Variants in KRT8 observed in about 807,000 individuals in gnomAD.
KRT8 encodes keratin, type II cytoskeletal 8.
In KRT8, 24 loss-of-function variants were observed where a neutral mutation model predicts 43.0. That is an observed-to-expected ratio of 0.56 (90% CI 0.40 to 0.78). The LOEUF (loss-of-function observed/expected upper bound fraction) is 0.78. Ranked by LOEUF, KRT8 falls within the 30% of genes least tolerant of loss-of-function variation. KRT8 has a pLI of 0.00. For synonymous variants in KRT8, 214 were observed against 261.2 expected (o/e 0.82, Z 1.74); for missense variants, 492 against 638.4 (o/e 0.77, Z 2.47).
At position 52,897,326 on chromosome 12, in the gene KRT8, C is replaced by T. The variant is rs567445786; in HGVS notation, c.*102G>A. ...TGGGCTGAGGGCTAGGGCTGAGCCT[C>T]AGGTGGGTCTCCTGTTCCCAGTGCT... On this transcript the variant is annotated 3_prime_UTR_variant, in exon 8 of 8. Transcript: ENST00000692008. The T allele has an allele frequency of 1.7e-4, 188 of 1,127,370 alleles. 7 individuals are homozygous for T. In the South Asian group the frequency reaches 2.3e-3, roughly 14 times the overall value. 69.8% of individuals were successfully genotyped at this position (1,127,370 alleles called of 1,614,324 possible).
In KRT8 at chr12:52,932,428, G is replaced by A. The variant is rs552453017; in HGVS notation, c.-47+17028C>T. 5.9e-5 allele frequency among the ~76,000 whole-genome samples: 9 copies of A among 152,208 alleles called. No individual in the cohort carries two copies. The South Asian group carries it at 1.9e-3, about 32-fold the overall frequency. ...GAAAGAATGATTACTTTGTCCACAA[G>A]ATCAGGAACAAAGCAAAAACATTTG... On this transcript the variant is annotated intron_variant, in intron 2 of 6. Transcript: ENST00000546826.
exon 8 of KRT8, chr12:52,897,443 G>A (rs759138466): frequency 1.1e-5 from 17 of 1,599,332 alleles, no homozygotes; most frequent in South Asian, 3.3e-5. Flanking sequence ...TGGGCAGGAC[G>A]TCAGAGGACT....
intron 1 of KRT8, chr12:52,949,692 C>A: frequency 9.4e-7 from 1 of 1,064,742 alleles, no homozygotes; most frequent in Non-Finnish European, 1.4e-6. Flanking sequence ...ACCCCTACTC[C>A]ACCGGGAGGG....
In KRT8 at chr12:52,949,736, TAGCCACAGGGTC is replaced by T. The variant is rs1414110980; in HGVS notation, c.-210_-199del. ...ATACCTGGATTTCCATCCGCGCACC[TAGCCACAGGGTC>T]CCTAAGAGCAGCAGCTAGGCATGGG... On this transcript the variant is annotated 5_prime_UTR_variant, in exon 1 of 7. Coordinates refer to the KRT8 transcript ENST00000546826. 6.6e-6 allele frequency: 5 copies of T among 763,288 alleles called. No individual in the cohort carries two copies. The East Asian group carries it at 1.3e-4, about 20-fold the overall frequency. The allele number at this position is 763,288 out of a possible 1,614,324, so 47.3% of individuals were successfully genotyped here.
chr12:52,924,082 G>T (rs1347819642), intron 2 of KRT8, among the ~76,000 whole-genome samples: 1 of 151,890 alleles, frequency 6.6e-6, no homozygotes, highest in Admixed American at 6.6e-5. Flanking sequence ...CCTGACCTCA[G>T]GTGATCCGCC....
At chr12:52,908,491 C>T (rs1941568824), upstream of KRT8, among the ~76,000 whole-genome samples, 2 of 152,172 alleles carry the variant, frequency 1.3e-5, no homozygotes, top group Non-Finnish European at 2.9e-5. Flanking sequence ...GAATGAACTA[C>T]TGATGCATGT....
intron 2 of KRT8, among the ~76,000 whole-genome samples, chr12:52,931,692 C>T (rs893210832): frequency 3.4e-5 from 5 of 148,720 alleles, no homozygotes; most frequent in Admixed American, 6.7e-5. Flanking sequence ...GACGGAGTTT[C>T]GCTCTTGTTG....
At chr12:52,897,258 G>A (rs1465610972) in exon 8 of KRT8, 1 of 697,144 alleles carries the variant, frequency 1.4e-6, no homozygotes, top group Non-Finnish European at 2.6e-6. Context: ...TTTGTAGCTG[G>A]AGGCATGGGC....
rs2277330 is a variant in KRT8, at chr12:52,898,680, G to A, written c.1201C>T (p.Arg401Trp). Residue 401 changes from arginine (R) to tryptophan (W), a missense_variant and splice_region_variant, in exon 6 of 8, where the codon CGG (arginine) becomes TGG (tryptophan). By Grantham distance (101) the Arg-to-Trp change is moderately radical. Transcript: ENST00000692008. ...CCGGTCAGAGGTACCCACACCCACC[G>A]GCTCTCCTCGCCCTCCAGCAGCTTC... is the stretch of plus-strand genomic sequence containing the variant. 212 of 1,614,192 alleles carry A rather than the reference G, an allele frequency of 1.3e-4. 1 individual carries two copies. In the East Asian group the frequency reaches 4.3e-3, roughly 33 times the overall value.
chr12:52,921,180 C>T (rs116351062), intron 2 of KRT8, among the ~76,000 whole-genome samples: 75 of 152,350 alleles, frequency 4.9e-4, no homozygotes, highest in African/African-American at 1.7e-3. Flanking sequence ...TGTGTTTATG[C>T]ATTCCCTACA....
chr12:52,941,614 G>A (rs562871680), intron 2 of KRT8, among the ~76,000 whole-genome samples: 9 of 148,448 alleles, frequency 6.1e-5, no homozygotes, highest in East Asian at 2.0e-4. Flanking sequence ...TCAGCCTCCC[G>A]AGTAGCTGGA....
chr12:52,905,016 C>G, exon 1 of KRT8: 1 of 1,587,114 alleles, frequency 6.3e-7, no homozygotes, highest in South Asian at 1.1e-5. Context: ...CGGGCCGAAC[C>G]AGGCGGAGAT....
chr12:52,916,260 G>A (rs1025294111), intron 2 of KRT8, among the ~76,000 whole-genome samples: 1 of 152,162 alleles, frequency 6.6e-6, no homozygotes, highest in African/African-American at 2.4e-5. Flanking sequence ...ACTAGGGGCA[G>A]GAGACTAGAA....
intron 2 of KRT8, among the ~76,000 whole-genome samples, chr12:52,929,183 C>T (rs1215860987): frequency 1.8e-5 from 2 of 113,316 alleles, no homozygotes. Flanking sequence ...TTCCTTCCTT[C>T]CTTTCTTTTT....
At chr12:52,936,233 T>C (rs1051494845) in intron 2 of KRT8, among the ~76,000 whole-genome samples, 1 of 151,814 alleles carries the variant, frequency 6.6e-6, no homozygotes, top group Non-Finnish European at 1.5e-5. Flanking sequence ...GCCTGGGAGA[T>C]AGAGGAAGAT....
upstream of KRT8, among the ~76,000 whole-genome samples, chr12:52,907,360 C>T (rs143705803): frequency 3.2e-4 from 49 of 152,214 alleles, no homozygotes; most frequent in African/African-American, 1.1e-3. Flanking sequence ...GCTGGTCAGA[C>T]GGGTATGGCA....
exon 1 of KRT8, chr12:52,904,823 G>A (rs1249692229): frequency 1.2e-6 from 2 of 1,612,320 alleles, no homozygotes; most frequent in East Asian, 2.2e-5. Flanking sequence ...CCCCACCATA[G>A]CCGCCGCCCA....
upstream of KRT8, chr12:52,906,453 A>T: frequency 3.1e-6 from 1 of 319,472 alleles, no homozygotes; most frequent in South Asian, 2.5e-5. Flanking sequence ...GAAATAGAGG[A>T]AGAGTCCCTG....
At chr12:52,931,030 T>C (rs1370022426) in intron 2 of KRT8, among the ~76,000 whole-genome samples, 3 of 152,084 alleles carry the variant, frequency 2.0e-5, no homozygotes, top group African/African-American at 4.8e-5. Flanking sequence ...GTTTTGATCA[T>C]GATGCTTCCC....
Sources: gnomAD v4.1 joint callset for allele counts (sites outside exome capture counted in the v4.1 genomes callset) on GRCh38, gnomAD v4.1.1 for gene constraint, MANE v1.5 for transcripts, NCBI Gene and HGNC (gene_info 2026-07-23, HGNC 2026-07-21) for gene names.